EPHA3: variants seen among roughly 807,000 people sequenced by gnomAD.
The protein encoded by EPHA3 is ephrin type-A receptor 3.
EPHA3 carries 42 observed loss-of-function variants against 107.1 expected under a neutral mutation model. The observed-to-expected ratio is 0.39, with a 90% CI of 0.31 to 0.51. The LOEUF is 0.51. Ranked by LOEUF, EPHA3 falls within the 20% of genes least tolerant of loss-of-function variation. EPHA3 has a pLI of 0.78. For synonymous variants in EPHA3, 461 were observed against 424.8 expected (o/e 1.09, Z -1.05); for missense variants, 1,183 against 1,211.2 (o/e 0.98, Z 0.35).
chr3:89,233,514 T>G (rs1366877548), intron 3 of EPHA3, among the ~76,000 whole-genome samples: 1 of 152,216 alleles, frequency 6.6e-6, no homozygotes, highest in Non-Finnish European at 1.5e-5. Context: ...ACTTTTTGCT[T>G]CTACCTCCCC....
At chr3:89,451,667 T>A (rs1234108262) in intron 15 of EPHA3, among the ~76,000 whole-genome samples, 1 of 152,196 alleles carries the variant, frequency 6.6e-6, no homozygotes, top group Non-Finnish European at 1.5e-5. Context: ...TGGAGTTTTA[T>A]CAGTAACGAT....
chr3:89,288,551 G>A (rs1309880819), intron 3 of EPHA3, among the ~76,000 whole-genome samples: 1 of 152,118 alleles, frequency 6.6e-6, no homozygotes, highest in East Asian at 1.9e-4. Flanking sequence ...GTTTTCAGGA[G>A]CCAATAGAGA....
At chr3:89,351,251 G>A (rs1482477271) in intron 5 of EPHA3, among the ~76,000 whole-genome samples, 12 of 151,252 alleles carry the variant, frequency 7.9e-5, no homozygotes, top group Admixed American at 4.0e-4. Flanking sequence ...TCAGACTGCT[G>A]TGCTAGCAAT....
intron 11 of EPHA3, among the ~76,000 whole-genome samples, chr3:89,425,552 G>A (rs1002369425): frequency 2.0e-5 from 3 of 150,954 alleles, no homozygotes; most frequent in African/African-American, 7.3e-5. Context: ...AATGACTGTT[G>A]TTAATAGGGA....
At chr3:89,266,241 T>A (rs1205536605) in intron 3 of EPHA3, among the ~76,000 whole-genome samples, 1 of 152,138 alleles carries the variant, frequency 6.6e-6, no homozygotes, top group Non-Finnish European at 1.5e-5. Flanking sequence ...AACCTACAGT[T>A]CAAGTCACTA....
chr3:89,172,263 C>T (rs933488036), intron 2 of EPHA3, among the ~76,000 whole-genome samples: 2 of 152,112 alleles, frequency 1.3e-5, no homozygotes, highest in African/African-American at 4.8e-5. Flanking sequence ...CCTTCATTCA[C>T]ATGTCAGGAG....
At chr3:89,279,825 G>A (rs1023036850) in intron 3 of EPHA3, among the ~76,000 whole-genome samples, 6 of 152,080 alleles carry the variant, frequency 3.9e-5, no homozygotes, top group African/African-American at 1.4e-4. Context: ...TAATATCAAA[G>A]GGTTCAGTAT....
chr3:89,122,877 G>A (rs1707420465), intron 1 of EPHA3, among the ~76,000 whole-genome samples: 1 of 152,074 alleles, frequency 6.6e-6, no homozygotes, highest in Non-Finnish European at 1.5e-5. Flanking sequence ...TAAATTATTT[G>A]AATAGGCAAT....
intron 2 of EPHA3, among the ~76,000 whole-genome samples, chr3:89,177,092 G>T (rs1705336196): frequency 6.6e-6 from 1 of 151,814 alleles, no homozygotes; most frequent in Non-Finnish European, 1.5e-5. Flanking sequence ...GTGTGTGTGT[G>T]CACGTGTGTA....
intron 5 of EPHA3, among the ~76,000 whole-genome samples, chr3:89,352,944 A>G (rs185676123): frequency 6.7e-6 from 1 of 150,058 alleles, no homozygotes; most frequent in East Asian, 1.9e-4. Flanking sequence ...AGAAAGAAAG[A>G]ATCCACAGTA....
At chr3:89,262,928 A>C (rs1357957457) in intron 3 of EPHA3, among the ~76,000 whole-genome samples, 1 of 149,332 alleles carries the variant, frequency 6.7e-6, no homozygotes, top group East Asian at 2.0e-4. Flanking sequence ...GGATGCATGC[A>C]ACTTCCGAAG....
chr3:89,324,446 G>A (rs990020923), intron 3 of EPHA3, among the ~76,000 whole-genome samples: 5 of 151,760 alleles, frequency 3.3e-5, no homozygotes, highest in Non-Finnish European at 7.4e-5. Flanking sequence ...TGTGGCTCAC[G>A]CTTGTGCTGG....
chr3:89,307,471 TC>T (rs1706651186), intron 3 of EPHA3, among the ~76,000 whole-genome samples: 1 of 152,158 alleles, frequency 6.6e-6, no homozygotes, highest in African/African-American at 2.4e-5. Flanking sequence ...GTGGAAAAAG[TC>T]AAGAGGCTAA....
At chr3:89,201,159 C>T (rs539402346) in intron 2 of EPHA3, among the ~76,000 whole-genome samples, 2 of 152,236 alleles carry the variant, frequency 1.3e-5, no homozygotes, top group Admixed American at 6.5e-5. Context: ...CCAGCATATC[C>T]TACATGGCTG....
At chr3:89,427,090 A>G (rs1164719400) in intron 11 of EPHA3, among the ~76,000 whole-genome samples, 3 of 151,920 alleles carry the variant, frequency 2.0e-5, no homozygotes, top group Non-Finnish European at 4.4e-5. Context: ...AATTTTTCAG[A>G]TATTACTACA....
At chr3:89,360,029 C>A (rs1708059278) in intron 5 of EPHA3, among the ~76,000 whole-genome samples, 1 of 149,794 alleles carries the variant, frequency 6.7e-6, no homozygotes, top group Non-Finnish European at 1.5e-5. Flanking sequence ...TTAGAAGAAA[C>A]TTATCAAGAG....
At chr3:89,125,679 TTATAA>T (rs1254670324) in intron 1 of EPHA3, among the ~76,000 whole-genome samples, 1 of 151,664 alleles carries the variant, frequency 6.6e-6, no homozygotes, top group Non-Finnish European at 1.5e-5. Flanking sequence ...CATTAAGGAA[TTATAA>T]TATAAAAGGT....
intron 3 of EPHA3, among the ~76,000 whole-genome samples, chr3:89,274,908 A>G (rs896501300): frequency 6.6e-6 from 1 of 152,044 alleles, no homozygotes; most frequent in Admixed American, 6.6e-5. Context: ...ATATGTATCA[A>G]CAAATTTCAT....
intron 3 of EPHA3, among the ~76,000 whole-genome samples, chr3:89,262,651 A>G (rs1005614404): frequency 6.6e-6 from 1 of 152,244 alleles, no homozygotes; most frequent in Admixed American, 6.5e-5. Context: ...GATGCGTGAC[A>G]GGGGTGCCTT....
Sources: gnomAD v4.1 joint callset for allele counts (sites outside exome capture counted in the v4.1 genomes callset) on GRCh38, gnomAD v4.1.1 for gene constraint, MANE v1.5 for transcripts, NCBI Gene and HGNC (gene_info 2026-07-23, HGNC 2026-07-21) for gene names.